Variants in PCDH11X observed in about 807,000 individuals in gnomAD.
The protein encoded by PCDH11X is protocadherin-11 X-linked.
Under a neutral mutation model 53.3 loss-of-function variants are expected in PCDH11X, and 18 were observed. The observed-to-expected ratio is 0.34, with a 90% CI of 0.23 to 0.50. The LOEUF (loss-of-function observed/expected upper bound fraction) is 0.50. PCDH11X is among the 20% of genes least tolerant of loss of function. The pLI is 0.98. For missense variants in PCDH11X, 570 were observed against 1,032.4 expected, an observed-to-expected ratio of 0.55 and a Z score of 6.14; for synonymous variants, 279 against 393.3, an observed-to-expected ratio of 0.71 and a Z score of 3.44.
At chrX:92,132,481 G>A (rs1318280056) in intron 6 of PCDH11X, among the ~76,000 whole-genome samples, 1 of 101,833 alleles carries the variant, frequency 9.8e-6, no homozygotes, top group Non-Finnish European at 2.0e-5. Context: ...GGTAGTGTGT[G>A]CCCGTAGTCC....
At chrX:92,252,269 C>T (rs1313699449) in intron 7 of PCDH11X, among the ~76,000 whole-genome samples, 1 of 110,061 alleles carries the variant, frequency 9.1e-6, no homozygotes, top group Non-Finnish European at 1.9e-5. Flanking sequence ...TTTCCTCAGT[C>T]ATAGGACCTA....
intron 6 of PCDH11X, among the ~76,000 whole-genome samples, chrX:92,032,575 G>C (rs1316759464): frequency 9.0e-6 from 1 of 111,087 alleles, no homozygotes; most frequent in Non-Finnish European, 1.9e-5. Flanking sequence ...TGGAGGAAAG[G>C]CTTTCAGTTT....
intron 6 of PCDH11X, among the ~76,000 whole-genome samples, chrX:92,138,774 A>G (rs1287768561): frequency 9.0e-6 from 1 of 111,115 alleles, no homozygotes; most frequent in East Asian, 2.8e-4. Context: ...TTAGTTTCAT[A>G]TTATTCTACT....
intron 5 of PCDH11X, among the ~76,000 whole-genome samples, chrX:91,844,821 A>G (rs1266466324): frequency 1.9e-5 from 2 of 107,249 alleles, no homozygotes; most frequent in African/African-American, 6.8e-5. Flanking sequence ...TAGTTTGACC[A>G]GGGAAATATA....
intron 6 of PCDH11X, among the ~76,000 whole-genome samples, chrX:91,891,013 A>G (rs1940452808): frequency 9.7e-6 from 1 of 103,062 alleles, no homozygotes; most frequent in African/African-American, 3.6e-5. Context: ...TAGAGTTAGT[A>G]CTAAGAACAG....
chrX:92,434,362 G>C, intron 9 of PCDH11X, among the ~76,000 whole-genome samples: 1 of 108,697 alleles, frequency 9.2e-6, no homozygotes, highest in East Asian at 2.9e-4. Flanking sequence ...TTTTTTCATT[G>C]ACATAGCTTA....
intron 6 of PCDH11X, among the ~76,000 whole-genome samples, chrX:92,118,056 T>C (rs1602973239): frequency 9.0e-6 from 1 of 111,713 alleles, no homozygotes; most frequent in East Asian, 2.8e-4. Context: ...GCATGCATAC[T>C]GCTGTTTTAA....
chrX:91,918,657 G>T (rs1003690451), intron 6 of PCDH11X, among the ~76,000 whole-genome samples: 2 of 110,409 alleles, frequency 1.8e-5, no homozygotes, highest in African/African-American at 6.6e-5. Context: ...AAAAAAATGT[G>T]TTTTTTTCAC....
chrX:92,216,919 A>T (rs1472319814), intron 7 of PCDH11X, among the ~76,000 whole-genome samples: 13 of 108,346 alleles, frequency 1.2e-4, no homozygotes, highest in African/African-American at 4.1e-4. Flanking sequence ...AAGAAAAGAA[A>T]TTTCAACCCA....
intron 6 of PCDH11X, among the ~76,000 whole-genome samples, chrX:92,148,412 G>A (rs2148234303): frequency 9.5e-6 from 1 of 105,043 alleles, no homozygotes; most frequent in East Asian, 3.0e-4. Context: ...ATTTTTAGTA[G>A]AGACGGAGTT....
intron 8 of PCDH11X, among the ~76,000 whole-genome samples, chrX:92,276,108 AC>A (rs1478573978): frequency 9.1e-6 from 1 of 109,756 alleles, no homozygotes; most frequent in Non-Finnish European, 1.9e-5. Context: ...CTCAGTTGGC[AC>A]CAGAGTTGGG....
intron 4 of PCDH11X, among the ~76,000 whole-genome samples, chrX:91,825,219 G>A (rs1427381590): frequency 9.2e-6 from 1 of 109,046 alleles, no homozygotes; most frequent in Non-Finnish European, 1.9e-5. Context: ...GGAGCTTCCG[G>A]GCTGCTTTGT....
intron 8 of PCDH11X, among the ~76,000 whole-genome samples, chrX:92,286,526 AC>A (rs1341497062): frequency 9.3e-6 from 1 of 107,014 alleles, no homozygotes; most frequent in Non-Finnish European, 1.9e-5. Context: ...AATAAGATAA[AC>A]AAAAGGAAAA....
chrX:92,211,920 T>G (rs1005425832), intron 7 of PCDH11X, among the ~76,000 whole-genome samples: 1 of 111,095 alleles, frequency 9.0e-6, no homozygotes, highest in African/African-American at 3.3e-5. Flanking sequence ...CTATGCATAA[T>G]TGATTCATTA....
At chrX:91,838,415 C>A (rs149947596) in intron 5 of PCDH11X, among the ~76,000 whole-genome samples, 237 of 111,176 alleles carry the variant, frequency 2.1e-3, no homozygotes, top group African/African-American at 7.5e-3. Flanking sequence ...TTTGTGTGGC[C>A]CCGTGGACAA....
chrX:91,893,637 A>T (rs1431526334), intron 6 of PCDH11X, among the ~76,000 whole-genome samples: 1 of 111,051 alleles, frequency 9.0e-6, no homozygotes, highest in African/African-American at 3.3e-5. Flanking sequence ...AAGTACTGAG[A>T]TGAAATGTTC....
chrX:92,487,519 T>C (rs1250108850), intron 10 of PCDH11X, among the ~76,000 whole-genome samples: 1 of 111,133 alleles, frequency 9.0e-6, no homozygotes, highest in Non-Finnish European at 1.9e-5. Context: ...GATTTTATAT[T>C]ACACTATTTA....
At chrX:92,031,099 A>T (rs960092215) in intron 6 of PCDH11X, among the ~76,000 whole-genome samples, 2 of 111,399 alleles carry the variant, frequency 1.8e-5, no homozygotes, top group Non-Finnish European at 3.8e-5. Flanking sequence ...TTACATTCCC[A>T]CTAACAGGGT....
intron 6 of PCDH11X, among the ~76,000 whole-genome samples, chrX:92,116,593 T>C: frequency 8.9e-6 from 1 of 112,208 alleles, no homozygotes; most frequent in African/African-American, 3.2e-5. Flanking sequence ...TATTTATCTA[T>C]TATTATTTTT....
Sources: gnomAD v4.1 joint callset for allele counts (sites outside exome capture counted in the v4.1 genomes callset) on GRCh38, gnomAD v4.1.1 for gene constraint, MANE v1.5 for transcripts, NCBI Gene and HGNC (gene_info 2026-07-23, HGNC 2026-07-21) for gene names.